The following LYPLAL1 variants were observed in gnomAD, a reference collection of about 807,000 sequenced individuals.
The protein encoded by LYPLAL1 is lysophospholipase like 1.
LYPLAL1 carries 23 observed loss-of-function variants against 19.7 expected under a neutral mutation model. The observed-to-expected ratio is 1.17, with a 90% CI of 0.84 to 1.65. The LOEUF (loss-of-function observed/expected upper bound fraction) is 1.65. Ranked by LOEUF, LYPLAL1 falls within the 40% of genes most tolerant of loss-of-function variation. The pLI is 0.00. For synonymous variants in LYPLAL1, 119 were observed against 96.3 expected (o/e 1.24, Z -1.38); for missense variants, 355 against 279.4 (o/e 1.27, Z -1.93).
At chr1:219,219,084 G>A in the LYPLAL1 span, among the ~76,000 whole-genome samples, 1 of 152,162 alleles carries the variant, frequency 6.6e-6, no homozygotes, top group African/African-American at 2.4e-5. Context: ...GGACAGTGTT[G>A]CCATTCACAG....
At chr1:219,271,637 A>G in the LYPLAL1 span, 1 of 152,216 alleles carries the variant, frequency 6.6e-6, no homozygotes, top group African/African-American at 2.4e-5. Context: ...TATCAGACTA[A>G]TGTTCAGATC....
chr1:219,344,967 A>G, the LYPLAL1 span, among the ~76,000 whole-genome samples: 1 of 152,074 alleles, frequency 6.6e-6, no homozygotes. Flanking sequence ...AATCCTCCCC[A>G]TATTTATCCT....
the LYPLAL1 span, among the ~76,000 whole-genome samples, chr1:219,234,982 CTG>C: frequency 6.6e-6 from 1 of 151,450 alleles, no homozygotes; most frequent in African/African-American, 2.4e-5. Context: ...TGACAACAAT[CTG>C]AGCCACTTAA....
At chr1:219,241,144 A>C in the LYPLAL1 span, among the ~76,000 whole-genome samples, 154 of 123,154 alleles carry the variant, frequency 1.3e-3, no homozygotes, top group African/African-American at 3.5e-3. Flanking sequence ...CTATATATAT[A>C]TATATATATA....
At chr1:219,301,180 A>G in the LYPLAL1 span, among the ~76,000 whole-genome samples, 3 of 137,510 alleles carry the variant, frequency 2.2e-5, no homozygotes. Flanking sequence ...CATGAATTAC[A>G]TTACATAAAT....
the LYPLAL1 span, among the ~76,000 whole-genome samples, chr1:219,258,882 A>G: frequency 7.2e-5 from 11 of 152,092 alleles, no homozygotes; most frequent in Non-Finnish European, 1.3e-4. Context: ...CCAACAAAGG[A>G]CTAATATTCA....
At chr1:219,365,999 T>G in the LYPLAL1 span, among the ~76,000 whole-genome samples, 1 of 152,216 alleles carries the variant, frequency 6.6e-6, no homozygotes, top group Non-Finnish European at 1.5e-5. Context: ...TGATTTTGTG[T>G]ATTGGACCTT....
At chr1:219,239,253 C>T in the LYPLAL1 span, among the ~76,000 whole-genome samples, 100 of 152,304 alleles carry the variant, frequency 6.6e-4, no homozygotes, top group East Asian at 0.016. Context: ...TTTGAACATA[C>T]GCTATCTGAA....
chr1:219,203,267 G>T (rs996118128), intron 3 of LYPLAL1, among the ~76,000 whole-genome samples: 3 of 148,910 alleles, frequency 2.0e-5, no homozygotes, highest in Non-Finnish European at 4.5e-5. Flanking sequence ...GTGGTACTTT[G>T]TTATGTTGAA....
downstream of LYPLAL1, among the ~76,000 whole-genome samples, chr1:219,216,632 A>G (rs1285392562): frequency 6.6e-6 from 1 of 152,094 alleles, no homozygotes; most frequent in Non-Finnish European, 1.5e-5. Context: ...CAGGAGGTTC[A>G]TGGTTTCCTC....
the LYPLAL1 span, among the ~76,000 whole-genome samples, chr1:219,410,982 C>T: frequency 6.6e-6 from 1 of 152,354 alleles, no homozygotes; most frequent in Middle Eastern, 3.4e-3. Flanking sequence ...ACGAGCGCCA[C>T]CCCCTGCTCC....
intron 1 of LYPLAL1, among the ~76,000 whole-genome samples, chr1:219,177,676 C>A (rs190774367): frequency 6.6e-6 from 1 of 152,184 alleles, no homozygotes; most frequent in Admixed American, 6.5e-5. Flanking sequence ...AATTTTACCA[C>A]CTAAATTTCT....
At chr1:219,394,485 C>T in the LYPLAL1 span, among the ~76,000 whole-genome samples, 5 of 152,300 alleles carry the variant, frequency 3.3e-5, no homozygotes, top group Middle Eastern at 6.8e-3. Context: ...CCAGAACTCC[C>T]CATCACCCCT....
At chr1:219,249,470 G>A in the LYPLAL1 span, among the ~76,000 whole-genome samples, 1 of 152,008 alleles carries the variant, frequency 6.6e-6, no homozygotes, top group Non-Finnish European at 1.5e-5. Context: ...GGATTTGTGT[G>A]TGTGTGTGTT....
chr1:219,339,326 G>A, the LYPLAL1 span, among the ~76,000 whole-genome samples: 42 of 152,138 alleles, frequency 2.8e-4, no homozygotes, highest in Non-Finnish European at 5.6e-4. Flanking sequence ...TACTTCAAGT[G>A]TGCAATGCAG....
At chr1:219,227,204 TGAGG>T in the LYPLAL1 span, among the ~76,000 whole-genome samples, 1 of 152,238 alleles carries the variant, frequency 6.6e-6, no homozygotes, top group Non-Finnish European at 1.5e-5. Context: ...ATCTCTGCTC[TGAGG>T]AGTTTACATT....
At chr1:219,251,087 G>GGCT in the LYPLAL1 span, among the ~76,000 whole-genome samples, 6 of 151,148 alleles carry the variant, frequency 4.0e-5, no homozygotes, top group African/African-American at 1.5e-4. Flanking sequence ...CATGCTTGTT[G>GGCT]GCTGCATGGC....
At chr1:219,388,125 C>A in the LYPLAL1 span, among the ~76,000 whole-genome samples, 3 of 152,188 alleles carry the variant, frequency 2.0e-5, no homozygotes, top group African/African-American at 7.2e-5. Context: ...TCATGTCTAC[C>A]TTGTCCATTT....
At chr1:219,315,496 A>C in the LYPLAL1 span, among the ~76,000 whole-genome samples, 2 of 152,204 alleles carry the variant, frequency 1.3e-5, no homozygotes, top group African/African-American at 4.8e-5. Context: ...TGATGAGGTA[A>C]GTGTAAGGAA....
Sources: gnomAD v4.1 joint callset for allele counts (sites outside exome capture counted in the v4.1 genomes callset) on GRCh38, gnomAD v4.1.1 for gene constraint, MANE v1.5 for transcripts, NCBI Gene and HGNC (gene_info 2026-07-23, HGNC 2026-07-21) for gene names.